The following SH3KBP1 variants were observed in gnomAD, a reference collection of about 807,000 sequenced individuals.
The protein encoded by SH3KBP1 is SH3 domain-containing kinase-binding protein 1.
In SH3KBP1, 8 loss-of-function variants were observed where a neutral mutation model predicts 50.1. That is an observed-to-expected ratio of 0.16 (90% CI 0.09 to 0.29). SH3KBP1 has a LOEUF of 0.29. Ranked by LOEUF, SH3KBP1 falls within the 10% of genes least tolerant of loss-of-function variation. The probability of loss-of-function intolerance (pLI) is 1.00; values close to 1 mark genes in which losing one functional copy is unlikely to be tolerated. For synonymous variants in SH3KBP1, 227 were observed against 218.6 expected (o/e 1.04, Z -0.34); for missense variants, 377 against 535.2 (o/e 0.70, Z 2.92).
intron 1 of SH3KBP1, among the ~76,000 whole-genome samples, chrX:19,871,333 A>G (rs926881076): frequency 8.9e-6 from 1 of 112,374 alleles, no homozygotes; most frequent in Admixed American, 9.4e-5. Flanking sequence ...CTTAACAGGC[A>G]CTCAATAAAC....
At chrX:19,813,544 C>G (rs1452710703) in intron 2 of SH3KBP1, among the ~76,000 whole-genome samples, 1 of 111,984 alleles carries the variant, frequency 8.9e-6, no homozygotes, top group East Asian at 2.8e-4. Flanking sequence ...TGATTATTAA[C>G]TCTAGTTACC....
chrX:19,880,972 C>T (rs982515136), intron 1 of SH3KBP1, among the ~76,000 whole-genome samples: 3 of 111,625 alleles, frequency 2.7e-5, no homozygotes, highest in Non-Finnish European at 1.9e-5. Flanking sequence ...GATATCGACC[C>T]GGTAAGATCC....
chrX:19,816,794 C>G (rs2067370864), intron 2 of SH3KBP1, among the ~76,000 whole-genome samples: 1 of 111,404 alleles, frequency 9.0e-6, no homozygotes, highest in Non-Finnish European at 1.9e-5. Context: ...GGCAACGGAG[C>G]AAAAACAAAA....
At chrX:19,727,535 C>T (rs1298131764) in intron 3 of SH3KBP1, among the ~76,000 whole-genome samples, 1 of 112,653 alleles carries the variant, frequency 8.9e-6, no homozygotes, top group East Asian at 2.8e-4. Context: ...TTTATCAATT[C>T]ATCCTCAATG....
At chrX:19,623,609 G>A (rs1423642471) in intron 8 of SH3KBP1, among the ~76,000 whole-genome samples, 2 of 112,030 alleles carry the variant, frequency 1.8e-5, no homozygotes, top group Admixed American at 9.4e-5. Context: ...ACTTGAACCC[G>A]GCAGGCGGAG....
At chrX:19,825,734 C>T (rs1324798052) in intron 2 of SH3KBP1, among the ~76,000 whole-genome samples, 5 of 111,331 alleles carry the variant, frequency 4.5e-5, no homozygotes, top group African/African-American at 6.5e-5. Flanking sequence ...ATCAGCCAGG[C>T]GTGGTGGTGC....
At chrX:19,624,311 GA>G (rs1278862174) in intron 8 of SH3KBP1, among the ~76,000 whole-genome samples, 4 of 110,483 alleles carry the variant, frequency 3.6e-5, no homozygotes, top group Non-Finnish European at 7.6e-5. Context: ...TTGCAGAGGG[GA>G]AAAAAAAGTA....
At chrX:19,865,447 T>A (rs192952734) in intron 1 of SH3KBP1, among the ~76,000 whole-genome samples, 2 of 111,970 alleles carry the variant, frequency 1.8e-5, no homozygotes, top group East Asian at 5.6e-4. Context: ...AGGGGAGCCA[T>A]GTGAAGGTCA....
chrX:19,539,466 G>A (rs1236650957), intron 16 of SH3KBP1, among the ~76,000 whole-genome samples: 1 of 111,671 alleles, frequency 9.0e-6, no homozygotes, highest in Admixed American at 9.5e-5. Flanking sequence ...ACTACTTAGG[G>A]ATTAGGAAGG....
At chrX:19,689,113 T>C (rs2063229741) in intron 5 of SH3KBP1, among the ~76,000 whole-genome samples, 1 of 112,349 alleles carries the variant, frequency 8.9e-6, no homozygotes, top group Non-Finnish European at 1.9e-5. Flanking sequence ...ATGCATTCTA[T>C]CCAATTAAAG....
intron 8 of SH3KBP1, among the ~76,000 whole-genome samples, chrX:19,623,507 G>A (rs762561179): frequency 8.9e-6 from 1 of 111,962 alleles, no homozygotes; most frequent in South Asian, 3.7e-4. Context: ...CCAACATGGT[G>A]AAACCCCGTC....
intron 6 of SH3KBP1, among the ~76,000 whole-genome samples, chrX:19,681,234 G>A (rs1174525317): frequency 8.9e-6 from 1 of 112,058 alleles, no homozygotes; most frequent in Non-Finnish European, 1.9e-5. Context: ...ACACATATAT[G>A]TGTCTGATGA....
chrX:19,706,221 T>C (rs1283633928), intron 4 of SH3KBP1, among the ~76,000 whole-genome samples: 1 of 111,488 alleles, frequency 9.0e-6, no homozygotes, highest in African/African-American at 3.3e-5. Flanking sequence ...GAATGAATGA[T>C]AAGGTTCTAA....
chrX:19,700,778 A>G (rs2063519560), intron 4 of SH3KBP1, among the ~76,000 whole-genome samples: 1 of 112,051 alleles, frequency 8.9e-6, no homozygotes, highest in East Asian at 2.8e-4. Flanking sequence ...ATAAACAAGC[A>G]TTATCTAGGT....
At chrX:19,608,597 C>T (rs2067315420) in intron 8 of SH3KBP1, among the ~76,000 whole-genome samples, 1 of 112,195 alleles carries the variant, frequency 8.9e-6, no homozygotes, top group South Asian at 3.7e-4. Context: ...GCATGGGCCA[C>T]TGCGCCCAGC....
At chrX:19,734,003 A>G (rs1347088925) in intron 3 of SH3KBP1, among the ~76,000 whole-genome samples, 1 of 112,257 alleles carries the variant, frequency 8.9e-6, no homozygotes, top group Non-Finnish European at 1.9e-5. Flanking sequence ...GTAATTCCAC[A>G]TCTGAGAAAT....
chrX:19,878,344 C>T (rs1287447169), intron 1 of SH3KBP1, among the ~76,000 whole-genome samples: 1 of 102,234 alleles, frequency 9.8e-6, no homozygotes, highest in Non-Finnish European at 2.0e-5. Context: ...CACTCTGTTG[C>T]CCAGACTGGA....
intron 1 of SH3KBP1, among the ~76,000 whole-genome samples, chrX:19,882,385 C>G (rs923403330): frequency 5.4e-5 from 6 of 110,967 alleles, no homozygotes; most frequent in Non-Finnish European, 9.4e-5. Flanking sequence ...CCAGGTGGAC[C>G]CAATGTCATC....
chrX:19,696,448 AT>A (rs1263273129), intron 4 of SH3KBP1, among the ~76,000 whole-genome samples: 3 of 111,910 alleles, frequency 2.7e-5, no homozygotes, highest in Non-Finnish European at 5.6e-5. Flanking sequence ...CTTCCTGTAC[AT>A]TTCTGAAGGG....
Sources: gnomAD v4.1 joint callset for allele counts (sites outside exome capture counted in the v4.1 genomes callset) on GRCh38, gnomAD v4.1.1 for gene constraint, MANE v1.5 for transcripts, NCBI Gene and HGNC (gene_info 2026-07-23, HGNC 2026-07-21) for gene names.